The following BCL2L13 variants were observed in gnomAD, a reference collection of about 807,000 sequenced individuals.
BCL2L13 encodes the protein BCL2 like 13.
A neutral mutation model predicts 25.8 loss-of-function variants in BCL2L13; 13 were observed. That is an observed-to-expected ratio of 0.50 (90% CI 0.33 to 0.80). The LOEUF (loss-of-function observed/expected upper bound fraction) is 0.80, where lower values mean the gene tolerates loss of function less well. BCL2L13 is among the 30% of genes least tolerant of loss of function. The probability of loss-of-function intolerance (pLI) is 0.02; values close to 1 mark genes in which losing one functional copy is unlikely to be tolerated. For synonymous variants in BCL2L13, 244 were observed against 230.3 expected, an observed-to-expected ratio of 1.06 and a Z score of -0.54; for missense variants, 504 against 574.9, an observed-to-expected ratio of 0.88 and a Z score of 1.26.
At chr22:17,669,222 C>T (rs777735660) in intron 2 of BCL2L13, among the ~76,000 whole-genome samples, 4 of 151,210 alleles carry the variant, frequency 2.6e-5, no homozygotes, top group Admixed American at 6.6e-5. Context: ...TTAGTAGAGA[C>T]GGGGTTTCAC....
intron 6 of BCL2L13, among the ~76,000 whole-genome samples, chr22:17,717,587 G>A (rs981586167): frequency 1.3e-5 from 2 of 151,964 alleles, no homozygotes; most frequent in African/African-American, 4.8e-5. Flanking sequence ...AACAATGCCC[G>A]GCCTCTGTTA....
At chr22:17,725,062 A>G (rs2061257720) in intron 6 of BCL2L13, among the ~76,000 whole-genome samples, 1 of 152,244 alleles carries the variant, frequency 6.6e-6, no homozygotes, top group Non-Finnish European at 1.5e-5. Context: ...ATTAATAGAC[A>G]TGGACACAAG....
chr22:17,687,213 G>T (rs555082075), intron 3 of BCL2L13, among the ~76,000 whole-genome samples: 1 of 152,274 alleles, frequency 6.6e-6, no homozygotes, highest in Non-Finnish European at 1.5e-5. Flanking sequence ...CTGATGCCTT[G>T]CATCGCATTT....
intron 6 of BCL2L13, among the ~76,000 whole-genome samples, chr22:17,711,578 G>A (rs972523053): frequency 2.6e-5 from 4 of 152,096 alleles, no homozygotes; most frequent in African/African-American, 7.2e-5. Context: ...GGTTACAGGC[G>A]TGAGCCACCA....
At chr22:17,664,138 C>T (rs1032147829) in intron 2 of BCL2L13, among the ~76,000 whole-genome samples, 6 of 152,114 alleles carry the variant, frequency 3.9e-5, no homozygotes, top group Admixed American at 2.0e-4. Flanking sequence ...TGTGAGCCAC[C>T]GCGCCCAGCC....
chr22:17,729,700 C>A lies in BCL2L13; in HGVS notation c.*2166C>A, dbSNP rs2061371159. ...AAGAAATGTGGTATGGAAGCGGCTACTTGCTGCTTTATTTTCCCACCTGTT... is the reference window on the plus strand; with the variant it reads ...AAGAAATGTGGTATGGAAGCGGCTAATTGCTGCTTTATTTTCCCACCTGTT... On this transcript the variant is annotated 3_prime_UTR_variant, in exon 7 of 7. Transcript: ENST00000317582. The A allele has an allele frequency of 6.6e-6, 1 of 152,264 alleles. No homozygotes were observed. Among genetic ancestry groups the A allele is most frequent in the Non-Finnish European group, 1.5e-5 (1 of 68,060 alleles). 9.4% of individuals were successfully genotyped at this position (152,264 alleles called of 1,614,324 possible).
chr22:17,646,462 T>C (rs1386055109), intron 1 of BCL2L13, among the ~76,000 whole-genome samples: 1 of 150,986 alleles, frequency 6.6e-6, no homozygotes, highest in African/African-American at 2.5e-5. Context: ...TTGGTCAAGC[T>C]GGTCTCAAAC....
intron 6 of BCL2L13, among the ~76,000 whole-genome samples, chr22:17,721,998 C>T (rs887355362): frequency 6.6e-6 from 1 of 152,112 alleles, no homozygotes; most frequent in African/African-American, 2.4e-5. Context: ...TGTTACCTTG[C>T]CCCTTAGAAA....
intron 1 of BCL2L13, among the ~76,000 whole-genome samples, chr22:17,651,721 C>T (rs140638405): frequency 0.14 from 21,088 of 146,982 alleles, 1,976 homozygotes; most frequent in Non-Finnish European, 0.21. Flanking sequence ...GACGGAGTCT[C>T]ACTCTGTCGC....
rs756928418 is a variant in BCL2L13 at position 17,689,000 on chromosome 22, G to A, written c.244G>A (p.Gly82Ser). Residue 82 changes from glycine (G) to serine (S), a missense_variant, in exon 4 of 7, where the codon GGC becomes AGC. Transcript: ENST00000317582. The stretch of plus-strand genomic sequence containing the variant: ...CCTATCTTCAGCCTTCACCAGCACA[G>A]GCTTTGACCGTCACACTTCTCCAGT... ...KEISEAFTST[G>S]FDRHTSPVFS... 6.2e-7 allele frequency: 1 copy of A among 1,613,672 alleles called. No individual in the cohort carries two copies. Among genetic ancestry groups the A allele is most frequent in the South Asian group, 1.1e-5 (1 of 91,028 alleles).
At chr22:17,680,214 T>TAAAAAAA (rs1601629532) in intron 2 of BCL2L13, among the ~76,000 whole-genome samples, 3 of 10,392 alleles carry the variant, frequency 2.9e-4, no homozygotes, top group African/African-American at 3.2e-4. Context: ...TAACTCTCTC[T>TAAAAAAA]CAAAAAAAAA....
At chr22:17,648,952 A>G (rs1457361815) in intron 1 of BCL2L13, among the ~76,000 whole-genome samples, 2 of 152,166 alleles carry the variant, frequency 1.3e-5, no homozygotes, top group Non-Finnish European at 2.9e-5. Flanking sequence ...TCTTTTAATT[A>G]GAGGCAGGGT....
Position 17,670,373 on chromosome 22 carries a change from C to CTTTT in BCL2L13, c.122-12826_122-12823dup, listed in dbSNP as rs370701152. On this transcript the variant is annotated intron_variant, in intron 2 of 6. Transcript: ENST00000317582. ...GGGGAGTCCTGCTATCTCAAATCAG[C>CTTTT]TTTTTTTTTTTTTTTTTTAAGACAG... is the stretch of plus-strand genomic sequence containing the variant. Among the ~76,000 whole-genome samples, 587 of 128,876 alleles carry CTTTT rather than the reference C, an allele frequency of 4.6e-3. 4 individuals carry two copies. The highest frequency in any genetic ancestry group is 0.016 in the African/African-American group (544 of 34,236). The allele number at this position is 128,876 out of a possible 152,430, so 84.5% of individuals were successfully genotyped here.
At chr22:17,647,447 G>A (rs1050169901) in intron 1 of BCL2L13, among the ~76,000 whole-genome samples, 1 of 151,576 alleles carries the variant, frequency 6.6e-6, no homozygotes, top group Admixed American at 6.6e-5. Flanking sequence ...TTTTCCCCCC[G>A]TCCATTCTCA....
intron 2 of BCL2L13, among the ~76,000 whole-genome samples, chr22:17,656,757 C>G (rs983259381): frequency 1.3e-5 from 2 of 152,058 alleles, no homozygotes; most frequent in African/African-American, 4.8e-5. Flanking sequence ...CTTTCACTTA[C>G]AATTGTTGAG....
chr22:17,659,117 G>C (rs2146532757), intron 2 of BCL2L13, among the ~76,000 whole-genome samples: 2 of 137,474 alleles, frequency 1.5e-5, no homozygotes, highest in East Asian at 2.1e-4. Context: ...TGTAATCCCA[G>C]CACTTTGGAA....
chr22:17,692,649 G>T (rs2060137440), intron 4 of BCL2L13, among the ~76,000 whole-genome samples: 1 of 152,134 alleles, frequency 6.6e-6, no homozygotes, highest in African/African-American at 2.4e-5. Flanking sequence ...GCCATCTCTG[G>T]TATCTCATTT....
Position 17,666,394 on chromosome 22 carries a change from G to A in BCL2L13, c.121+10562G>A, listed in dbSNP as rs186385828. Among the ~76,000 whole-genome samples, 5 of 152,132 alleles carry A rather than the reference G, an allele frequency of 3.3e-5. No individual in the cohort carries two copies. The South Asian group carries it at 6.2e-4, about 19-fold the overall frequency. On this transcript the variant is annotated intron_variant, in intron 2 of 6. Coordinates refer to ENST00000317582, the MANE Select transcript of BCL2L13 (RefSeq NM_015367.4). ...GTTACTCTTTAAGTTATTTTAAAAT[G>A]TACAATTAATGGGCTGTTGAATAGT...
intron 2 of BCL2L13, among the ~76,000 whole-genome samples, chr22:17,666,817 A>G (rs1359232445): frequency 6.6e-6 from 1 of 151,046 alleles, no homozygotes; most frequent in African/African-American, 2.4e-5. Context: ...CCTCCTGAGT[A>G]GCTGGGTTTA....
Sources: allele counts gnomAD v4.1 joint callset (sites outside exome capture counted in the v4.1 genomes callset), GRCh38; gene constraint gnomAD v4.1.1; transcripts MANE v1.5; gene names NCBI Gene and HGNC (gene_info 2026-07-23, HGNC 2026-07-21).